ASIC2: variants seen among roughly 807,000 people sequenced by gnomAD.
The protein encoded by ASIC2 is acid-sensing ion channel 2.
A neutral mutation model predicts 57.3 loss-of-function variants in ASIC2; 25 were observed. The observed-to-expected ratio is 0.44, with a 90% CI of 0.32 to 0.61. The LOEUF is 0.61. ASIC2 is among the 20% of genes least tolerant of loss of function. ASIC2 has a pLI of 0.06. For synonymous variants in ASIC2, 319 were observed against 307.5 expected, an observed-to-expected ratio of 1.04 and a Z score of -0.39; for missense variants, 641 against 738.1, an observed-to-expected ratio of 0.87 and a Z score of 1.52.
At chr17:33,475,641 G>A (rs1419790864) in intron 1 of ASIC2, among the ~76,000 whole-genome samples, 2 of 152,218 alleles carry the variant, frequency 1.3e-5, no homozygotes, top group Admixed American at 6.5e-5. Context: ...GGCTTTCACT[G>A]AAATTTCATA....
intron 1 of ASIC2, among the ~76,000 whole-genome samples, chr17:33,503,547 T>C (rs1914162552): frequency 1.3e-5 from 2 of 152,072 alleles, no homozygotes. Flanking sequence ...AGACGGAGCC[T>C]TGGGGTCTAG....
intron 1 of ASIC2, among the ~76,000 whole-genome samples, chr17:33,598,315 T>C (rs1478988945): frequency 2.0e-5 from 3 of 152,224 alleles, no homozygotes; most frequent in East Asian, 1.9e-4. Flanking sequence ...CCCTGACTGA[T>C]GGCACTGGAT....
At chr17:33,056,830 G>C (rs1264905509) in intron 3 of ASIC2, among the ~76,000 whole-genome samples, 2 of 152,202 alleles carry the variant, frequency 1.3e-5, no homozygotes, top group African/African-American at 4.8e-5. Flanking sequence ...GCCACCCAGG[G>C]TTTCCTTCTG....
chr17:33,855,062 C>T (rs553894545), intron 1 of ASIC2, among the ~76,000 whole-genome samples: 58 of 152,122 alleles, frequency 3.8e-4, no homozygotes, highest in African/African-American at 1.1e-3. Flanking sequence ...AAGGGCATGC[C>T]GGCAGCAGAA....
intron 1 of ASIC2, among the ~76,000 whole-genome samples, chr17:33,363,722 G>A (rs558752693): frequency 6.6e-6 from 1 of 152,320 alleles, no homozygotes; most frequent in East Asian, 1.9e-4. Flanking sequence ...GAGAAAAGTT[G>A]CCACGGCAAC....
chr17:33,783,069 C>A (rs372072178), intron 1 of ASIC2, among the ~76,000 whole-genome samples: 15 of 152,338 alleles, frequency 9.8e-5, no homozygotes, highest in African/African-American at 1.9e-4. Context: ...TTCCTAAGCA[C>A]CCTGCTTACA....
chr17:33,730,670 A>G (rs1392005528), intron 1 of ASIC2, among the ~76,000 whole-genome samples: 1 of 152,204 alleles, frequency 6.6e-6, no homozygotes, highest in Non-Finnish European at 1.5e-5. Context: ...CTGTTTTACA[A>G]ACTCTTTCTT....
chr17:33,302,372 T>A (rs955446215), intron 1 of ASIC2, among the ~76,000 whole-genome samples: 1 of 152,204 alleles, frequency 6.6e-6, no homozygotes, highest in Non-Finnish European at 1.5e-5. Context: ...GGCATTTTAT[T>A]CACAATTCCT....
intron 1 of ASIC2, among the ~76,000 whole-genome samples, chr17:33,336,407 T>C (rs1907515117): frequency 6.6e-6 from 1 of 151,994 alleles, no homozygotes; most frequent in African/African-American, 2.4e-5. Context: ...TGCACTAAAA[T>C]GTTGTTTATT....
rs543414781 is a variant in ASIC2 at position 33,098,513 on chromosome 17, G to A, written c.860-9523C>T. Among the ~76,000 whole-genome samples the A allele has an allele frequency of 3.9e-5, 6 of 152,260 alleles. No homozygotes were observed. The East Asian group carries it at 5.8e-4, about 15-fold the overall frequency. ...AAAAATCAACATTGTGTCCCCATGC[G>A]GGATGGGCTGCAATTATGCCTGTTC... is the stretch of plus-strand genomic sequence containing the variant. On this transcript the variant is annotated intron_variant, in intron 2 of 9. Transcript: ENST00000225823.
intron 1 of ASIC2, among the ~76,000 whole-genome samples, chr17:34,056,050 T>A (rs1010345363): frequency 6.6e-6 from 1 of 152,172 alleles, no homozygotes; most frequent in Admixed American, 6.5e-5. Context: ...AGGGGACAGA[T>A]TTGAAATATA....
At chr17:33,977,316 C>T (rs772912793) in intron 1 of ASIC2, among the ~76,000 whole-genome samples, 39 of 152,336 alleles carry the variant, frequency 2.6e-4, no homozygotes, top group Admixed American at 1.2e-3. Flanking sequence ...AATGAAACCT[C>T]CCCATATCTG....
intron 1 of ASIC2, among the ~76,000 whole-genome samples, chr17:33,405,242 T>A (rs1163543222): frequency 6.6e-6 from 1 of 152,172 alleles, no homozygotes; most frequent in Non-Finnish European, 1.5e-5. Context: ...ATGGGAATCA[T>A]TGCAAATAGA....
chr17:33,103,779 C>T (rs557036291), intron 2 of ASIC2, among the ~76,000 whole-genome samples: 20 of 152,250 alleles, frequency 1.3e-4, no homozygotes, highest in Non-Finnish European at 2.6e-4. Context: ...TTTCCCTCAC[C>T]TCCCTGTTTT....
intron 1 of ASIC2, among the ~76,000 whole-genome samples, chr17:33,944,424 A>C (rs1916260446): frequency 6.6e-6 from 1 of 152,196 alleles, no homozygotes; most frequent in African/African-American, 2.4e-5. Flanking sequence ...AATGCACCAA[A>C]GCATCCATGG....
At chr17:33,684,902 C>A (rs1287543367) in intron 1 of ASIC2, among the ~76,000 whole-genome samples, 1 of 152,084 alleles carries the variant, frequency 6.6e-6, no homozygotes, top group Non-Finnish European at 1.5e-5. Context: ...AAATACATAA[C>A]AGCAGGATCC....
rs529208709 is a variant in ASIC2 at position 33,764,492 on chromosome 17, G to A, written c.555+391486C>T. On this transcript the variant is annotated intron_variant, in intron 1 of 9. Coordinates refer to the ASIC2 transcript ENST00000359872. The stretch of plus-strand genomic sequence containing the variant: ...TTGTTTCTTACAGCTGTGGAGGCTG[G>A]GAGGTTTAAGGTCAAGGGAGTACAT... Among the ~76,000 whole-genome samples, 1,406 of 152,240 alleles carry A rather than the reference G, an allele frequency of 9.2e-3. 4 individuals are homozygous for A. The highest frequency in any genetic ancestry group is 0.015 in the South Asian group (71 of 4,814).
intron 1 of ASIC2, among the ~76,000 whole-genome samples, chr17:33,252,738 C>A (rs149748223): frequency 6.6e-6 from 1 of 152,200 alleles, no homozygotes; most frequent in East Asian, 1.9e-4. Context: ...GCCACTCACC[C>A]TTCTCTTACG....
At chr17:34,063,632 C>T (rs1909052559) in intron 1 of ASIC2, among the ~76,000 whole-genome samples, 1 of 152,140 alleles carries the variant, frequency 6.6e-6, no homozygotes, top group Non-Finnish European at 1.5e-5. Flanking sequence ...AAGGACTCCT[C>T]CAGAAAGCTC....
Sources: gnomAD v4.1 joint callset for allele counts (sites outside exome capture counted in the v4.1 genomes callset) on GRCh38, gnomAD v4.1.1 for gene constraint, MANE v1.5 for transcripts, NCBI Gene and HGNC (gene_info 2026-07-23, HGNC 2026-07-21) for gene names.